The following PRKG1 variants were observed in gnomAD, a reference collection of about 807,000 sequenced individuals.
The protein encoded by PRKG1 is protein kinase cGMP-dependent 1, also known as cGMP-dependent protein kinase 1.
Under a neutral mutation model 88.1 loss-of-function variants are expected in PRKG1, and 35 were observed. That is an observed-to-expected ratio of 0.40 (90% CI 0.30 to 0.53). The LOEUF is 0.53. Among genes scored for constraint, PRKG1 ranks in the 20% least tolerant of loss-of-function variants. The pLI, the probability that PRKG1 is intolerant of heterozygous loss-of-function variation, is 0.59. For synonymous variants in PRKG1, 303 were observed against 292.5 expected (o/e 1.04, Z -0.37); for missense variants, 540 against 839.8 (o/e 0.64, Z 4.41).
At chr10:51,201,691 A>G (rs971341507) in intron 2 of PRKG1, among the ~76,000 whole-genome samples, 1 of 152,068 alleles carries the variant, frequency 6.6e-6, no homozygotes, top group Non-Finnish European at 1.5e-5. Flanking sequence ...TAGTGACCTT[A>G]TAAGAAGAGG....
chr10:51,179,519 A>G (rs913023201), intron 2 of PRKG1, among the ~76,000 whole-genome samples: 5 of 152,228 alleles, frequency 3.3e-5, no homozygotes, highest in African/African-American at 1.2e-4. Flanking sequence ...AGAATATGAC[A>G]GTTGGAAAGC....
At chr10:51,608,184 T>C (rs1838814859) in intron 3 of PRKG1, among the ~76,000 whole-genome samples, 1 of 152,308 alleles carries the variant, frequency 6.6e-6, no homozygotes, top group African/African-American at 2.4e-5. Flanking sequence ...CTGCATATAC[T>C]ATAACCGTAA....
rs572203600 is a variant in PRKG1 at position 52,020,238 on chromosome 10, T to C, written c.763-34246T>C. Among the ~76,000 whole-genome samples the C allele has an allele frequency of 1.4e-4, 21 of 152,296 alleles. 1 individual carries two copies. The South Asian group carries it at 2.3e-3, about 17-fold the overall frequency. The stretch of plus-strand genomic sequence containing the variant: ...TTTATATTGTTCTTATTTCTTGGTG[T>C]TTCTTAACTGTCTCTCCAGTAGATT... On this transcript the variant is annotated intron_variant, in intron 5 of 17. Coordinates refer to ENST00000373980, the MANE Select transcript of PRKG1 (RefSeq NM_006258.4).
intron 2 of PRKG1, among the ~76,000 whole-genome samples, chr10:51,290,052 G>T (rs953951186): frequency 6.6e-6 from 1 of 152,100 alleles, no homozygotes; most frequent in African/African-American, 2.4e-5. Flanking sequence ...CTGTCATCAA[G>T]TGAATTGAGA....
In PRKG1 at chr10:51,093,801, T is replaced by TAC. The variant is rs57772981; in HGVS notation, c.311+18933_311+18934dup. The stretch of plus-strand genomic sequence containing the variant: ...TATATATGTATTTTATATATATATA[T>TAC]ACACACACACACACACACACACACA... On this transcript the variant is annotated intron_variant, in intron 1 of 17. Coordinates refer to ENST00000373980, the MANE Select transcript of PRKG1 (RefSeq NM_006258.4). Among the ~76,000 whole-genome samples the TAC allele has an allele frequency of 3.9e-3, 495 of 127,604 alleles. 3 individuals carry two copies. The highest frequency in any genetic ancestry group is 0.011 in the Admixed American group (124 of 11,776). The allele number at this position is 127,604 out of a possible 152,430, so 83.7% of individuals were successfully genotyped here. A position where few individuals can be genotyped will look rare whatever the true frequency, so the allele number is the denominator to read the frequency against.
At chr10:51,009,274 T>A (rs1275204978) in intron 1 of PRKG1, among the ~76,000 whole-genome samples, 1 of 152,224 alleles carries the variant, frequency 6.6e-6, no homozygotes, top group Non-Finnish European at 1.5e-5. Context: ...TTGGTGTATT[T>A]ATCTAACTAA....
chr10:51,672,134 C>T (rs1208617190), intron 3 of PRKG1, among the ~76,000 whole-genome samples: 6 of 150,358 alleles, frequency 4.0e-5, no homozygotes, highest in Non-Finnish European at 5.9e-5. Context: ...TTTTTTTTTA[C>T]CTATTTCTTA....
rs1003048444 is a variant in PRKG1 at position 52,010,147 on chromosome 10, T to A, written c.763-44337T>A. Among the ~76,000 whole-genome samples the A allele has an allele frequency of 2.0e-5, 3 of 151,914 alleles. No individual in the cohort carries two copies. The East Asian group carries it at 5.8e-4, about 29-fold the overall frequency. ...TCATGACAAAGACACAAAAAGCAAT[T>A]GCAAAAAAATCAAAAATTGGCAACT... On this transcript the variant is annotated intron_variant, in intron 5 of 17. Coordinates refer to ENST00000373980, the MANE Select transcript of PRKG1 (RefSeq NM_006258.4).
At chr10:52,033,216 C>A (rs1278321755) in intron 5 of PRKG1, among the ~76,000 whole-genome samples, 3 of 152,120 alleles carry the variant, frequency 2.0e-5, no homozygotes, top group African/African-American at 4.8e-5. Context: ...TGTCAAAGCA[C>A]CTGGGAAGGA....
chr10:51,638,281 A>G (rs1479668090), intron 3 of PRKG1, among the ~76,000 whole-genome samples: 1 of 152,174 alleles, frequency 6.6e-6, no homozygotes, highest in Non-Finnish European at 1.5e-5. Context: ...TTAAAATAGT[A>G]ATGGAAGTCT....
At chr10:51,582,708 TG>T (rs1838072216) in intron 3 of PRKG1, among the ~76,000 whole-genome samples, 1 of 152,178 alleles carries the variant, frequency 6.6e-6, no homozygotes, top group Non-Finnish European at 1.5e-5. Context: ...CTATCATTGA[TG>T]GGCATTTGGG....
At chr10:51,010,515 T>C (rs1473385536) in intron 1 of PRKG1, among the ~76,000 whole-genome samples, 1 of 152,210 alleles carries the variant, frequency 6.6e-6, no homozygotes, top group Non-Finnish European at 1.5e-5. Context: ...TCTATGCATA[T>C]ATATATATGT....
At chr10:52,043,938 C>A (rs115209082) in intron 5 of PRKG1, among the ~76,000 whole-genome samples, 2,119 of 135,748 alleles carry the variant, frequency 0.016, 45 homozygotes, top group African/African-American at 0.053. Context: ...AAAACCCAAG[C>A]ATTTGTGGAA....
intron 3 of PRKG1, among the ~76,000 whole-genome samples, chr10:51,601,020 G>T (rs866844338): frequency 3.3e-5 from 5 of 151,492 alleles, no homozygotes; most frequent in Middle Eastern, 3.2e-3. Flanking sequence ...AAGAAGAAGG[G>T]AGGGAGGGAG....
At chr10:51,744,551 A>G (rs1303377484) in intron 3 of PRKG1, among the ~76,000 whole-genome samples, 3 of 152,194 alleles carry the variant, frequency 2.0e-5, no homozygotes, top group Non-Finnish European at 2.9e-5. Context: ...TCCTACCCTT[A>G]CATAAGAATA....
intron 7 of PRKG1, among the ~76,000 whole-genome samples, chr10:52,080,546 C>T (rs1293399621): frequency 6.6e-6 from 1 of 152,096 alleles, no homozygotes; most frequent in Non-Finnish European, 1.5e-5. Context: ...GGCAAGCAAA[C>T]TGAGACTTAG....
intron 8 of PRKG1, among the ~76,000 whole-genome samples, chr10:52,134,275 T>A (rs1837344475): frequency 2.6e-5 from 4 of 152,186 alleles, no homozygotes; most frequent in Admixed American, 6.6e-5. Context: ...ATTTTTAGAA[T>A]TATTATTCCA....
intron 3 of PRKG1, among the ~76,000 whole-genome samples, chr10:51,586,871 G>A (rs1186926248): frequency 6.6e-6 from 1 of 152,084 alleles, no homozygotes; most frequent in Non-Finnish European, 1.5e-5. Context: ...CCTGGTATGA[G>A]GAAAAGGATG....
At chr10:51,275,817 A>T (rs897328432) in intron 2 of PRKG1, among the ~76,000 whole-genome samples, 22 of 152,178 alleles carry the variant, frequency 1.4e-4, no homozygotes, top group Admixed American at 3.9e-4. Context: ...ACTGGGATAT[A>T]TCAGGAAAGG....
Sources: allele counts gnomAD v4.1 joint callset (sites outside exome capture counted in the v4.1 genomes callset), GRCh38; gene constraint gnomAD v4.1.1; transcripts MANE v1.5; gene names NCBI Gene and HGNC (gene_info 2026-07-23, HGNC 2026-07-21).